APBB2: variants seen among roughly 807,000 people sequenced by gnomAD.
APBB2 encodes amyloid beta precursor protein binding family B member 2, also known as Fe65-like 1.
In APBB2, 38 loss-of-function variants were observed where a neutral mutation model predicts 82.5. The ratio of observed to expected loss-of-function variants is 0.46; its 90% CI spans 0.36 to 0.60. APBB2 has a LOEUF of 0.60. Ranked by LOEUF, APBB2 falls within the 20% of genes least tolerant of loss-of-function variation. The pLI, the probability that APBB2 is intolerant of heterozygous loss-of-function variation, is 0.00. For synonymous variants in APBB2, 341 were observed against 368.2 expected, an observed-to-expected ratio of 0.93 and a Z score of 0.85; for missense variants, 772 against 972.3, an observed-to-expected ratio of 0.79 and a Z score of 2.74.
At chr4:40,976,515 T>C (rs1471044903) in intron 6 of APBB2, among the ~76,000 whole-genome samples, 1 of 152,212 alleles carries the variant, frequency 6.6e-6, no homozygotes, top group African/African-American at 2.4e-5. Context: ...GACCTTTCTT[T>C]GGGAATCATA....
At chr4:40,841,133 C>T (rs1755675339) in intron 12 of APBB2, among the ~76,000 whole-genome samples, 1 of 152,198 alleles carries the variant, frequency 6.6e-6, no homozygotes, top group Non-Finnish European at 1.5e-5. Context: ...AACCACTGGA[C>T]TATGACAGCA....
At chr4:41,067,869 C>T (rs1041890202) in intron 3 of APBB2, among the ~76,000 whole-genome samples, 1 of 152,108 alleles carries the variant, frequency 6.6e-6, no homozygotes, top group Non-Finnish European at 1.5e-5. Flanking sequence ...AAAGGGAATG[C>T]GTGGCTGCTG....
At chr4:41,095,717 C>A (rs144350012) in intron 3 of APBB2, among the ~76,000 whole-genome samples, 98 of 152,082 alleles carry the variant, frequency 6.4e-4, no homozygotes, top group African/African-American at 2.3e-3. Context: ...CACACGTACA[C>A]TTCTGCAGTG....
intron 1 of APBB2, among the ~76,000 whole-genome samples, chr4:41,206,282 C>T (rs1002569237): frequency 2.6e-5 from 4 of 152,192 alleles, no homozygotes; most frequent in African/African-American, 9.7e-5. Flanking sequence ...ACAGCTCTTG[C>T]CACTCTCGCA....
chr4:40,939,096 A>C (rs1426481526), intron 7 of APBB2, among the ~76,000 whole-genome samples: 1 of 152,240 alleles, frequency 6.6e-6, no homozygotes, highest in African/African-American at 2.4e-5. Flanking sequence ...GGCCCTCATC[A>C]GATGCAGTCT....
intron 1 of APBB2, among the ~76,000 whole-genome samples, chr4:41,192,555 A>G (rs1297065190): frequency 1.3e-5 from 2 of 152,230 alleles, no homozygotes; most frequent in Non-Finnish European, 2.9e-5. Context: ...AAAACACCAC[A>G]TGATCTCACT....
At chr4:41,125,459 C>T (rs768437494) in intron 2 of APBB2, among the ~76,000 whole-genome samples, 31 of 152,050 alleles carry the variant, frequency 2.0e-4, no homozygotes, top group Non-Finnish European at 4.0e-4. Context: ...CCCAGCAACC[C>T]AATCAAGAAG....
chr4:40,894,609 T>C (rs775457680), intron 10 of APBB2, among the ~76,000 whole-genome samples: 2 of 152,258 alleles, frequency 1.3e-5, no homozygotes, highest in African/African-American at 4.8e-5. Context: ...AGGGAATCTT[T>C]AAATGCTGAA....
At chr4:40,862,481 C>T (rs999515822) in intron 12 of APBB2, among the ~76,000 whole-genome samples, 2 of 152,234 alleles carry the variant, frequency 1.3e-5, no homozygotes, top group Non-Finnish European at 2.9e-5. Context: ...TTGTATGACA[C>T]TTGCATAATC....
chr4:40,857,097 G>A, intron 12 of APBB2: 1 of 985,460 alleles, frequency 1.0e-6, no homozygotes, highest in Middle Eastern at 5.2e-4. Context: ...CCAGGGTGCC[G>A]GCACCAGCCA....
At chr4:41,154,930 A>G (rs559441487) in intron 1 of APBB2, among the ~76,000 whole-genome samples, 1 of 152,338 alleles carries the variant, frequency 6.6e-6, no homozygotes, top group East Asian at 1.9e-4. Flanking sequence ...CTGGCTGGAC[A>G]GACGGGGCAC....
At chr4:40,875,121 A>AGCG (rs1278322547) in intron 12 of APBB2, among the ~76,000 whole-genome samples, 12 of 152,308 alleles carry the variant, frequency 7.9e-5, no homozygotes, top group South Asian at 6.2e-4. Flanking sequence ...GACATGTCAC[A>AGCG]TCGTGGGGTT....
chr4:41,029,310 A>G (rs1715750429), intron 5 of APBB2, among the ~76,000 whole-genome samples: 1 of 152,208 alleles, frequency 6.6e-6, no homozygotes, highest in South Asian at 2.1e-4. Flanking sequence ...ACTACTCATG[A>G]AAGGAAACCT....
intron 6 of APBB2, among the ~76,000 whole-genome samples, chr4:40,958,549 T>G (rs1792267466): frequency 6.6e-6 from 1 of 152,170 alleles, no homozygotes; most frequent in Admixed American, 6.5e-5. Context: ...GAAAGGAGAA[T>G]GGGTGTAGGT....
intron 5 of APBB2, among the ~76,000 whole-genome samples, chr4:41,016,302 C>T (rs181449581): frequency 6.6e-6 from 1 of 152,116 alleles, no homozygotes. Context: ...GAAAGAATAC[C>T]ATCAGAATTT....
At chr4:40,978,075 G>T (rs1797625177) in intron 6 of APBB2, among the ~76,000 whole-genome samples, 1 of 152,146 alleles carries the variant, frequency 6.6e-6, no homozygotes, top group South Asian at 2.1e-4. Context: ...AGAAAGGGTG[G>T]CCAGAAATAG....
chr4:41,089,601 C>G (rs1455022850), intron 3 of APBB2, among the ~76,000 whole-genome samples: 2 of 152,138 alleles, frequency 1.3e-5, no homozygotes, highest in Non-Finnish European at 2.9e-5. Flanking sequence ...TATTAATAAG[C>G]TAAGCAGCAG....
intron 4 of APBB2, among the ~76,000 whole-genome samples, chr4:41,042,556 T>C (rs1274475010): frequency 6.6e-6 from 1 of 152,196 alleles, no homozygotes; most frequent in South Asian, 2.1e-4. Context: ...TCAGAATGTA[T>C]GGACCCATTT....
At chr4:41,042,076 C>T (rs1157351958) in intron 4 of APBB2, among the ~76,000 whole-genome samples, 2 of 152,052 alleles carry the variant, frequency 1.3e-5, no homozygotes, top group African/African-American at 2.4e-5. Context: ...CTGCAGCCTC[C>T]GCCTCCTGCA....
Sources: gnomAD v4.1 joint callset for allele counts (sites outside exome capture counted in the v4.1 genomes callset) on GRCh38, gnomAD v4.1.1 for gene constraint, MANE v1.5 for transcripts, NCBI Gene and HGNC (gene_info 2026-07-23, HGNC 2026-07-21) for gene names.